The following SCFD2 variants were observed in gnomAD, a reference collection of about 807,000 sequenced individuals.
SCFD2 encodes the protein sec1 family domain containing 2.
SCFD2 carries 54 observed loss-of-function variants against 58.9 expected under a neutral mutation model. The observed-to-expected ratio is 0.92, with a 90% CI of 0.74 to 1.15. The LOEUF (loss-of-function observed/expected upper bound fraction) is 1.15. SCFD2 is among the 50% of genes most tolerant of loss of function. The pLI is 0.00. For synonymous variants in SCFD2, 321 were observed against 335.9 expected (o/e 0.96, Z 0.49); for missense variants, 805 against 836.6 (o/e 0.96, Z 0.47).
intron 4 of SCFD2, among the ~76,000 whole-genome samples, chr4:53,246,378 C>G (rs369389824): frequency 6.6e-6 from 1 of 152,046 alleles, no homozygotes; most frequent in South Asian, 2.1e-4. Flanking sequence ...ACGAAAAACC[C>G]GAATAGCCAA....
chr4:53,254,162 T>C (rs1032619063), intron 4 of SCFD2, among the ~76,000 whole-genome samples: 3 of 152,158 alleles, frequency 2.0e-5, no homozygotes, highest in South Asian at 2.1e-4. Context: ...ATGAATGATA[T>C]GATTTGGCTC....
chr4:53,300,667 C>A (rs979779783), intron 3 of SCFD2, among the ~76,000 whole-genome samples: 1 of 152,224 alleles, frequency 6.6e-6, no homozygotes, highest in African/African-American at 2.4e-5. Flanking sequence ...CACCACACCA[C>A]ACCTACTCCA....
chr4:53,181,391 C>A (rs1727549388), intron 4 of SCFD2, among the ~76,000 whole-genome samples: 1 of 152,092 alleles, frequency 6.6e-6, no homozygotes, highest in South Asian at 2.1e-4. Context: ...ATAAACAGAA[C>A]CAAAGACAAA....
At chr4:53,348,637 T>A (rs1734127013) in intron 2 of SCFD2, among the ~76,000 whole-genome samples, 1 of 152,182 alleles carries the variant, frequency 6.6e-6, no homozygotes, top group South Asian at 2.1e-4. Flanking sequence ...CTGGTTTCAC[T>A]ATTTCACCAA....
At chr4:53,254,805 T>TTA (rs1730536188) in intron 4 of SCFD2, among the ~76,000 whole-genome samples, 2 of 138,968 alleles carry the variant, frequency 1.4e-5, no homozygotes, top group Admixed American at 7.3e-5. Flanking sequence ...TTATTTTATT[T>TTA]TTTTATTTTA....
intron 5 of SCFD2, among the ~76,000 whole-genome samples, chr4:52,952,830 C>A (rs902208959): frequency 6.6e-6 from 1 of 152,190 alleles, no homozygotes; most frequent in Non-Finnish European, 1.5e-5. Flanking sequence ...CCTTCTCCCC[C>A]ACCTTTTCCC....
At chr4:52,898,211 C>T (rs1378218238) in intron 7 of SCFD2, among the ~76,000 whole-genome samples, 5 of 152,100 alleles carry the variant, frequency 3.3e-5, no homozygotes, top group South Asian at 2.1e-4. Context: ...AATGTGTTTG[C>T]TCTTGCTTCT....
At chr4:53,189,634 T>C (rs1402511375) in intron 4 of SCFD2, among the ~76,000 whole-genome samples, 1 of 152,164 alleles carries the variant, frequency 6.6e-6, no homozygotes, top group Admixed American at 6.5e-5. Context: ...CATCTAAACT[T>C]AATTACCTCT....
chr4:53,252,821 G>C (rs1249157760), intron 4 of SCFD2, among the ~76,000 whole-genome samples: 3 of 152,110 alleles, frequency 2.0e-5, no homozygotes, highest in Non-Finnish European at 2.9e-5. Flanking sequence ...TCAGGACATA[G>C]GCATGGGCAA....
chr4:53,257,980 G>A (rs1339596078), intron 4 of SCFD2, among the ~76,000 whole-genome samples: 3 of 152,186 alleles, frequency 2.0e-5, no homozygotes, highest in East Asian at 3.9e-4. Flanking sequence ...GGCTGCAAGA[G>A]AAACTTAATA....
At chr4:52,960,559 G>A (rs1720822560) in intron 5 of SCFD2, among the ~76,000 whole-genome samples, 2 of 151,992 alleles carry the variant, frequency 1.3e-5, no homozygotes, top group Non-Finnish European at 2.9e-5. Context: ...AGTACAGATG[G>A]GGTTTCTCCA....
intron 5 of SCFD2, among the ~76,000 whole-genome samples, chr4:52,939,730 A>C (rs1055988773): frequency 5.3e-5 from 8 of 151,468 alleles, no homozygotes; most frequent in Non-Finnish European, 1.2e-4. Context: ...GGAAGAAAGA[A>C]AAAATGAAAA....
chr4:52,963,327 G>A lies in SCFD2; in HGVS notation c.1562-42457C>T, dbSNP rs553765408. ...CCTGATGCAACGTAAGGTTGGAGGA[G>A]AAGTGAGAATCCTGGGGTCACTCAC... is the stretch of plus-strand genomic sequence containing the variant. On this transcript the variant is annotated intron_variant, in intron 5 of 8. Coordinates refer to ENST00000401642, the MANE Select transcript of SCFD2 (RefSeq NM_152540.4). Among the ~76,000 whole-genome samples, 24 of 152,318 alleles carry A rather than the reference G, an allele frequency of 1.6e-4. No homozygotes were observed. In the South Asian group the frequency reaches 4.4e-3, roughly 28 times the overall value.
chr4:53,086,484 A>T (rs1281943300), intron 5 of SCFD2, among the ~76,000 whole-genome samples: 2 of 152,190 alleles, frequency 1.3e-5, no homozygotes, highest in Non-Finnish European at 2.9e-5. Flanking sequence ...GTTCCTCAAA[A>T]GACTAAAAAC....
At chr4:52,969,200 G>A (rs1312197365) in intron 5 of SCFD2, among the ~76,000 whole-genome samples, 1 of 152,156 alleles carries the variant, frequency 6.6e-6, no homozygotes, top group Non-Finnish European at 1.5e-5. Context: ...ACTTGCTTAT[G>A]ATGTGTTTGG....
chr4:53,240,674 A>C (rs538428898), intron 4 of SCFD2, among the ~76,000 whole-genome samples: 1 of 152,262 alleles, frequency 6.6e-6, no homozygotes, highest in Non-Finnish European at 1.5e-5. Flanking sequence ...TACAGAAAAC[A>C]AAACAAAACA....
intron 5 of SCFD2, among the ~76,000 whole-genome samples, chr4:53,023,024 T>A (rs1287831410): frequency 6.6e-6 from 1 of 152,192 alleles, no homozygotes; most frequent in African/African-American, 2.4e-5. Context: ...TAAACCTCTT[T>A]AGTGCATCAC....
intron 8 of SCFD2, among the ~76,000 whole-genome samples, chr4:52,874,333 G>T (rs1052848686): frequency 6.6e-6 from 1 of 152,188 alleles, no homozygotes; most frequent in Non-Finnish European, 1.5e-5. Flanking sequence ...GGATGGCTGA[G>T]ACTGGCACTA....
intron 3 of SCFD2, among the ~76,000 whole-genome samples, chr4:53,284,295 T>G (rs1275232262): frequency 6.6e-6 from 1 of 152,116 alleles, no homozygotes; most frequent in Non-Finnish European, 1.5e-5. Context: ...ACTTTCATTT[T>G]TCTTATTGAT....
Sources: gnomAD v4.1 joint callset for allele counts (sites outside exome capture counted in the v4.1 genomes callset) on GRCh38, gnomAD v4.1.1 for gene constraint, MANE v1.5 for transcripts, NCBI Gene and HGNC (gene_info 2026-07-23, HGNC 2026-07-21) for gene names.